ABR: variants seen among roughly 807,000 people sequenced by gnomAD.
ABR encodes the protein active breakpoint cluster region-related protein.
A neutral mutation model predicts 107.2 loss-of-function variants in ABR; 35 were observed. The observed-to-expected ratio is 0.33, with a 90% CI of 0.25 to 0.43. ABR has a LOEUF of 0.43. Among genes scored for constraint, ABR ranks in the 20% least tolerant of loss-of-function variants. The probability of loss-of-function intolerance (pLI) is 1.00; values close to 1 mark genes in which losing one functional copy is unlikely to be tolerated. For missense variants in ABR, 815 were observed against 1,115.2 expected (o/e 0.73, Z 3.83); for synonymous variants, 498 against 462.0 (o/e 1.08, Z -1.00).
rs28667914 is a variant in ABR, at chr17:1,005,512, G to A, written c.*568C>T. Reference sequence around the variant, plus strand: ...CATCAAACAGACCACTGCTGCCGCGGCAACCCAGGGCCTCTTCAGAGCTTT... The same window carrying A: ...CATCAAACAGACCACTGCTGCCGCGACAACCCAGGGCCTCTTCAGAGCTTT... On this transcript the variant is annotated 3_prime_UTR_variant, in exon 23 of 23. Coordinates refer to ENST00000302538, the MANE Select transcript of ABR (RefSeq NM_021962.5). The A allele has an allele frequency of 0.036, 7,791 of 216,510 alleles. 172 individuals are homozygous for A. The highest frequency in any genetic ancestry group is 0.054 in the East Asian group (558 of 10,344). The allele number at this position is 216,510 out of a possible 1,614,324, so 13.4% of individuals were successfully genotyped here. A position where few individuals can be genotyped will look rare whatever the true frequency, so the allele number is the denominator to read the frequency against.
chr17:1,056,065 G>T lies in ABR; in HGVS notation c.1531C>A (p.His511Asn). 1.9e-6 allele frequency: 3 copies of T among 1,614,160 alleles called. No homozygotes were observed. The highest frequency in any genetic ancestry group is 2.5e-6 in the Non-Finnish European group (3 of 1,180,008). Residue 511 changes from histidine (H) to asparagine (N), a missense_variant, in exon 14 of 23, where the codon CAC becomes AAC. By Grantham distance (68) the His-to-Asn change is moderately conservative. This residue lies in a region of ABR where 385 missense variants were observed against 596.9 expected (regional missense o/e 0.64). Coordinates refer to ENST00000302538, the MANE Select transcript of ABR (RefSeq NM_021962.5). ...GLYGFLHVIV[H>N]SAKGFKQSAN... ...GATTGCTTAAATCCCTTGGCAGAGT[G>T]GACGATGACATGAAGGAAGCCATAG...
At chr17:1,067,609 C>T (rs745327284) in intron 9 of ABR, among the ~76,000 whole-genome samples, 3 of 152,186 alleles carry the variant, frequency 2.0e-5, no homozygotes, top group Non-Finnish European at 2.9e-5. Context: ...CTAGACTATC[C>T]GTGTTCAATA....
At chr17:1,201,146 C>T (rs1432060070) in intron 1 of ABR, among the ~76,000 whole-genome samples, 1 of 152,182 alleles carries the variant, frequency 6.6e-6, no homozygotes, top group Non-Finnish European at 1.5e-5. Flanking sequence ...CTCAGGCAGC[C>T]GCATCACTCA....
chr17:1,052,332 G>A (rs1332128421), intron 14 of ABR, among the ~76,000 whole-genome samples: 1 of 151,860 alleles, frequency 6.6e-6, no homozygotes, highest in African/African-American at 2.4e-5. Flanking sequence ...CCCTCCTCGA[G>A]GGGCTGGGGA....
intron 1 of ABR, among the ~76,000 whole-genome samples, chr17:1,220,295 A>C (rs1276828270): frequency 1.3e-5 from 2 of 152,112 alleles, no homozygotes; most frequent in Non-Finnish European, 2.9e-5. Context: ...CGTCTAAAAA[A>C]AAAAAAAATT....
At chr17:1,164,542 G>A (rs1186710775) in intron 1 of ABR, among the ~76,000 whole-genome samples, 1 of 151,728 alleles carries the variant, frequency 6.6e-6, no homozygotes, top group African/African-American at 2.4e-5. Context: ...GAACATGAAC[G>A]TCAGGTGAGC....
upstream of ABR, among the ~76,000 whole-genome samples, chr17:1,183,142 G>A (rs889719887): frequency 3.3e-5 from 5 of 152,132 alleles, no homozygotes; most frequent in Non-Finnish European, 7.4e-5. Context: ...TCAGAGGAGC[G>A]GGGAGCTGTG....
chr17:1,214,190 T>C (rs1221249466), intron 1 of ABR, among the ~76,000 whole-genome samples: 1 of 152,024 alleles, frequency 6.6e-6, no homozygotes, highest in Non-Finnish European at 1.5e-5. Flanking sequence ...CGGCCTGAGA[T>C]GTGAAATGTT....
At chr17:1,113,078 A>G (rs1308974735) in intron 2 of ABR, among the ~76,000 whole-genome samples, 1 of 147,680 alleles carries the variant, frequency 6.8e-6, no homozygotes, top group Non-Finnish European at 1.5e-5. Context: ...GTGTGCTAGC[A>G]TCGGAATGCA....
intron 1 of ABR, among the ~76,000 whole-genome samples, chr17:1,161,632 G>A (rs1026412368): frequency 2.7e-5 from 4 of 148,774 alleles, no homozygotes; most frequent in African/African-American, 1.0e-4. Flanking sequence ...TTGGCTCATT[G>A]CAATCTCCGC....
intron 16 of ABR, chr17:1,022,392 G>C (rs192757146): frequency 2.0e-5 from 3 of 152,548 alleles, no homozygotes; most frequent in Admixed American, 6.5e-5. Flanking sequence ...CACCGAAGCC[G>C]GCCTGTCATT....
At chr17:1,136,905 A>G (rs2040087137) in intron 1 of ABR, among the ~76,000 whole-genome samples, 1 of 151,954 alleles carries the variant, frequency 6.6e-6, no homozygotes, top group South Asian at 2.1e-4. Context: ...TCCTTAAAAC[A>G]CTTTTCCTGT....
intron 9 of ABR, 33 bp from the exon 10 acceptor site, chr17:1,067,275 A>G: frequency 6.5e-7 from 1 of 1,539,388 alleles, no homozygotes; most frequent in Non-Finnish European, 8.7e-7. Context: ...CATGAGCCAG[A>G]GGGAGCCTGG....
intron 16 of ABR, among the ~76,000 whole-genome samples, chr17:1,024,089 C>T (rs1465976803): frequency 1.3e-5 from 2 of 151,094 alleles, no homozygotes; most frequent in Non-Finnish European, 1.5e-5. Context: ...CTTCACCCTC[C>T]CTGCCCGGGC....
intron 2 of ABR, among the ~76,000 whole-genome samples, chr17:1,109,830 A>AG (rs2038552060): frequency 6.6e-6 from 1 of 151,550 alleles, no homozygotes; most frequent in African/African-American, 2.4e-5. Context: ...TCCCACTCAC[A>AG]GGGACCAGGA....
intron 1 of ABR, among the ~76,000 whole-genome samples, chr17:1,162,944 T>C (rs532313170): frequency 6.6e-6 from 1 of 152,192 alleles, no homozygotes; most frequent in South Asian, 2.1e-4. Context: ...TGGTGCTGGG[T>C]GCCTGTAGTC....
chr17:1,163,238 G>A (rs959378993), intron 1 of ABR, among the ~76,000 whole-genome samples: 16 of 152,332 alleles, frequency 1.1e-4, no homozygotes, highest in Non-Finnish European at 2.1e-4. Flanking sequence ...GCAAGCGCTA[G>A]GCTAACGTTA....
At chr17:1,124,738 T>C (rs975536755) in intron 2 of ABR, among the ~76,000 whole-genome samples, 5 of 152,316 alleles carry the variant, frequency 3.3e-5, no homozygotes, top group Middle Eastern at 3.4e-3. Flanking sequence ...GGGCAGCTCA[T>C]TGCACCCACA....
At chr17:1,203,000 C>A (rs137891118) in intron 1 of ABR, among the ~76,000 whole-genome samples, 1,735 of 151,898 alleles carry the variant, frequency 0.011, 34 homozygotes, top group African/African-American at 0.04. Flanking sequence ...AATTCTCCTG[C>A]CTCAGCCTCC....
Sources: allele counts gnomAD v4.1 joint callset (sites outside exome capture counted in the v4.1 genomes callset), GRCh38; gene constraint gnomAD v4.1.1; regional missense constraint gnomAD v4.1.1; transcripts MANE v1.5; gene names NCBI Gene and HGNC (gene_info 2026-07-23, HGNC 2026-07-21).